The following TIMM23 variants were observed in gnomAD, a reference collection of about 807,000 sequenced individuals.
TIMM23 encodes translocase of inner mitochondrial membrane 23.
Under a neutral mutation model 30.7 loss-of-function variants are expected in TIMM23, and 19 were observed. That is an observed-to-expected ratio of 0.62 (90% CI 0.43 to 0.91). The LOEUF is 0.91. TIMM23 is among the 40% of genes least tolerant of loss of function. The probability of loss-of-function intolerance (pLI) is 0.00; values close to 1 mark genes in which losing one functional copy is unlikely to be tolerated. For missense variants in TIMM23, 202 were observed against 269.2 expected (o/e 0.75, Z 1.75); for synonymous variants, 78 against 98.5 (o/e 0.79, Z 1.23).
intron 2 of TIMM23, among the ~76,000 whole-genome samples, chr10:45,978,595 C>T (rs1396268786): frequency 1.3e-5 from 2 of 152,086 alleles, no homozygotes; most frequent in Non-Finnish European, 2.9e-5. Flanking sequence ...AATGAGATAC[C>T]TCTTTACACC....
At chr10:45,981,228 C>T (rs1389295864) in intron 2 of TIMM23, among the ~76,000 whole-genome samples, 1 of 131,382 alleles carries the variant, frequency 7.6e-6, no homozygotes, top group African/African-American at 2.9e-5. Flanking sequence ...CGGGAGGCAC[C>T]GTGCCTGGCC....
intron 6 of TIMM23, among the ~76,000 whole-genome samples, chr10:45,998,111 C>G (rs1012043721): frequency 2.6e-5 from 4 of 152,104 alleles, no homozygotes; most frequent in African/African-American, 9.7e-5. Context: ...ATGTGTTTTA[C>G]GTTTTTTAGT....
At chr10:45,992,554 T>C in intron 6 of TIMM23, 1 of 430,464 alleles carries the variant, frequency 2.3e-6, no homozygotes, top group Middle Eastern at 3.5e-4. Context: ...CAATTAAGCT[T>C]TTTTTTCCTT....
chr10:45,994,860 G>A (rs1187915817), intron 6 of TIMM23, among the ~76,000 whole-genome samples: 1 of 152,110 alleles, frequency 6.6e-6, no homozygotes, highest in African/African-American at 2.4e-5. Context: ...TACTTAGAGT[G>A]CCTAAGGTCA....
chr10:45,996,040 A>T (rs1838318773), intron 6 of TIMM23, among the ~76,000 whole-genome samples: 1 of 149,504 alleles, frequency 6.7e-6, no homozygotes, highest in Non-Finnish European at 1.5e-5. Flanking sequence ...AGAATATAGA[A>T]CATGTGTAGT....
intron 6 of TIMM23, among the ~76,000 whole-genome samples, chr10:45,990,456 CTG>C (rs1838131704): frequency 1.3e-5 from 2 of 149,812 alleles, no homozygotes; most frequent in African/African-American, 2.5e-5. Flanking sequence ...GAGTCTCACT[CTG>C]TCATCCAGGC....
chr10:45,992,758 A>G (rs1302415888), intron 6 of TIMM23: 6 of 351,108 alleles, frequency 1.7e-5, no homozygotes, highest in Admixed American at 1.5e-4. Flanking sequence ...GGGTTTCACC[A>G]TGTTGGCCAG....
At chr10:45,981,761 G>C (rs1328104991) in intron 2 of TIMM23, among the ~76,000 whole-genome samples, 59 of 152,104 alleles carry the variant, frequency 3.9e-4, no homozygotes, top group Non-Finnish European at 6.3e-4. Flanking sequence ...AACCATCTTT[G>C]GTTGGAAAGC....
intron 2 of TIMM23, among the ~76,000 whole-genome samples, chr10:45,979,857 CT>C (rs1355947069): frequency 6.6e-6 from 1 of 152,072 alleles, no homozygotes; most frequent in African/African-American, 2.4e-5. Context: ...TGTCAGTTTA[CT>C]CAAAATTTCA....
At chr10:45,997,284 G>A (rs1162244461) in intron 6 of TIMM23, among the ~76,000 whole-genome samples, 1 of 152,044 alleles carries the variant, frequency 6.6e-6, no homozygotes, top group Non-Finnish European at 1.5e-5. Flanking sequence ...TCTGACAGAT[G>A]GTAAGACATG....
intron 6 of TIMM23, among the ~76,000 whole-genome samples, chr10:46,001,874 C>A (rs1365273854): frequency 3.3e-5 from 5 of 152,040 alleles, no homozygotes; most frequent in Admixed American, 1.3e-4. Context: ...GCAGTTAGGC[C>A]TTTTTATTTT....
intron 1 of TIMM23, among the ~76,000 whole-genome samples, chr10:45,973,131 C>T (rs1554912192): frequency 6.6e-6 from 1 of 151,856 alleles, no homozygotes; most frequent in African/African-American, 2.4e-5. Flanking sequence ...TCTGAGCCTC[C>T]AAGTAGCCGT....
intron 4 of TIMM23, among the ~76,000 whole-genome samples, chr10:45,983,767 A>G (rs1837918227): frequency 6.6e-6 from 1 of 152,202 alleles, no homozygotes; most frequent in Admixed American, 6.5e-5. Flanking sequence ...TTTGAGAGAC[A>G]GGGCCTTGCT....
chr10:46,000,648 G>T (rs1196131920), intron 6 of TIMM23, among the ~76,000 whole-genome samples: 1 of 152,170 alleles, frequency 6.6e-6, no homozygotes, highest in Non-Finnish European at 1.5e-5. Flanking sequence ...TTCCACAAGG[G>T]CCAAGTAGAT....
Position 46,003,242 on chromosome 10 carries a change from T to G in TIMM23, c.554T>G (p.Leu185Arg). 6.2e-7 allele frequency: 1 copy of G among 1,614,202 alleles called. No homozygotes were observed. The highest frequency in any genetic ancestry group is 8.5e-7 in the Non-Finnish European group (1 of 1,180,010). ...RGIARGGLTG[L>R]TLTSLYALYN... is the part of the protein sequence containing the mutation. ...ATAGCACGAGGTGGTCTGACAGGAC[T>G]AACACTTACCAGCCTCTATGCACTA... Residue 185 changes from leucine to arginine, a missense_variant, in exon 7 of 7, where the codon CTA becomes CGA. By Grantham distance (102) the Leu-to-Arg change is moderately radical. Transcript: ENST00000580018.
At chr10:45,991,939 AG>A (rs1191327405) in intron 6 of TIMM23, among the ~76,000 whole-genome samples, 2 of 150,726 alleles carry the variant, frequency 1.3e-5, no homozygotes, top group Admixed American at 6.6e-5. Flanking sequence ...TGTCTCTTCC[AG>A]GCAAGACTAA....
intron 4 of TIMM23, among the ~76,000 whole-genome samples, chr10:45,984,285 C>G (rs1837938134): frequency 6.6e-6 from 1 of 152,136 alleles, no homozygotes; most frequent in Non-Finnish European, 1.5e-5. Flanking sequence ...TTCTCCTCTC[C>G]CATCTTATTT....
At chr10:45,988,148 A>T (rs1388395937) in intron 5 of TIMM23, among the ~76,000 whole-genome samples, 1 of 152,148 alleles carries the variant, frequency 6.6e-6, no homozygotes, top group Non-Finnish European at 1.5e-5. Flanking sequence ...AATTGATTGG[A>T]TAGGCATGAC....
intron 1 of TIMM23, 37 bp from the exon 2 acceptor site, chr10:45,975,417 A>C: frequency 6.2e-7 from 1 of 1,612,612 alleles, no homozygotes; most frequent in Non-Finnish European, 8.5e-7. Context: ...TAACTTAAAG[A>C]ATTTTGTTGC....
Sources: allele counts gnomAD v4.1 joint callset (sites outside exome capture counted in the v4.1 genomes callset), GRCh38; gene constraint gnomAD v4.1.1; transcripts MANE v1.5; gene names NCBI Gene and HGNC (gene_info 2026-07-23, HGNC 2026-07-21).